Variants in GRM7 observed in about 807,000 individuals in gnomAD.
The protein encoded by GRM7 is metabotropic glutamate receptor 7.
A neutral mutation model predicts 84.5 loss-of-function variants in GRM7; 35 were observed. That is an observed-to-expected ratio of 0.41 (90% CI 0.32 to 0.55). GRM7 has a LOEUF of 0.55. GRM7 is among the 20% of genes least tolerant of loss of function. The pLI is 0.19. For synonymous variants in GRM7, 487 were observed against 455.1 expected (o/e 1.07, Z -0.89); for missense variants, 1,003 against 1,194.6 (o/e 0.84, Z 2.36).
At chr3:7,170,916 G>A (rs1694962719) in intron 2 of GRM7, among the ~76,000 whole-genome samples, 1 of 152,078 alleles carries the variant, frequency 6.6e-6, no homozygotes, top group South Asian at 2.1e-4. Context: ...AGATGTACAG[G>A]CCACCTTTCA....
At chr3:7,631,511 G>T (rs1559451247) in intron 8 of GRM7, among the ~76,000 whole-genome samples, 1 of 152,018 alleles carries the variant, frequency 6.6e-6, no homozygotes, top group Admixed American at 6.6e-5. Flanking sequence ...TCTTTTCTAG[G>T]TTCTGGAACC....
intron 7 of GRM7, among the ~76,000 whole-genome samples, chr3:7,553,312 A>G (rs971535945): frequency 1.3e-5 from 2 of 152,182 alleles, no homozygotes; most frequent in South Asian, 2.1e-4. Context: ...AAGCTATTCA[A>G]CAAGTCTCTA....
At chr3:7,443,058 C>A (rs1697358123) in intron 5 of GRM7, among the ~76,000 whole-genome samples, 1 of 151,092 alleles carries the variant, frequency 6.6e-6, no homozygotes, top group South Asian at 2.1e-4. Flanking sequence ...TCTTTTTATT[C>A]TACTTCCTTC....
intron 1 of GRM7, among the ~76,000 whole-genome samples, chr3:7,126,252 G>A (rs1205339385): frequency 6.6e-6 from 1 of 152,080 alleles, no homozygotes; most frequent in Non-Finnish European, 1.5e-5. Context: ...CTGCTGCTCT[G>A]GTACTTTGTT....
intron 4 of GRM7, among the ~76,000 whole-genome samples, chr3:7,327,381 A>G (rs1014394376): frequency 3.9e-5 from 6 of 152,192 alleles, no homozygotes; most frequent in African/African-American, 1.4e-4. Flanking sequence ...AAAGGAGAGG[A>G]GAGGAAAGAA....
intron 1 of GRM7, among the ~76,000 whole-genome samples, chr3:6,868,093 C>T (rs1191115747): frequency 2.6e-5 from 4 of 152,174 alleles, no homozygotes; most frequent in Admixed American, 6.5e-5. Context: ...CACTGTGCCA[C>T]GTGCTAAAAG....
At chr3:7,739,764 T>TAGAGTGTGTATGTGTC (rs1200713042) in intron 9 of GRM7, among the ~76,000 whole-genome samples, 8 of 152,198 alleles carry the variant, frequency 5.3e-5, no homozygotes, top group Non-Finnish European at 2.9e-5. Flanking sequence ...AAAACAAATG[T>TAGAGTGTGTATGTGTC]AGAGTGTGTA....
intron 8 of GRM7, among the ~76,000 whole-genome samples, chr3:7,590,099 C>G (rs1006950038): frequency 2.6e-5 from 4 of 152,148 alleles, no homozygotes; most frequent in African/African-American, 9.7e-5. Context: ...AAAATAATTT[C>G]CTTTTTGTTC....
chr3:7,102,033 C>T (rs1699129504), intron 1 of GRM7, among the ~76,000 whole-genome samples: 1 of 151,394 alleles, frequency 6.6e-6, no homozygotes, highest in South Asian at 2.1e-4. Flanking sequence ...GTATATTATA[C>T]ATCCCATAAT....
chr3:7,608,105 AC>A, intron 8 of GRM7: 1 of 248,612 alleles, frequency 4.0e-6, no homozygotes, highest in Non-Finnish European at 8.7e-6. Context: ...GTGTGTATGT[AC>A]CACATTTTCT....
rs144027689 is a variant in GRM7, at chr3:7,501,531, C to T, written c.1515+39809C>T. Among the ~76,000 whole-genome samples the T allele has an allele frequency of 3.3e-3, 495 of 152,280 alleles. 2 individuals are homozygous for T. The highest frequency in any genetic ancestry group is 0.011 in the African/African-American group (460 of 41,550). On this transcript the variant is annotated intron_variant, in intron 7 of 9. Coordinates refer to ENST00000357716, the MANE Select transcript of GRM7 (RefSeq NM_000844.4). ...TAGTTTTATCAGCTTATATTATAGA[C>T]GGACAGCTGAGGTTTGGAGAGGTTA... is the stretch of plus-strand genomic sequence containing the variant.
intron 2 of GRM7, among the ~76,000 whole-genome samples, chr3:7,233,817 G>A (rs1053216914): frequency 7.2e-5 from 11 of 152,060 alleles, no homozygotes; most frequent in African/African-American, 2.7e-4. Flanking sequence ...GGAATGTCTA[G>A]GCTGGAAAAG....
At chr3:7,344,508 A>AT (rs918100362) in intron 4 of GRM7, among the ~76,000 whole-genome samples, 2 of 152,028 alleles carry the variant, frequency 1.3e-5, no homozygotes, top group Admixed American at 1.3e-4. Flanking sequence ...GGGCATGTAA[A>AT]TTTTTTTTAA....
At chr3:7,055,216 T>TCTCTCTC (rs140330141) in intron 1 of GRM7, among the ~76,000 whole-genome samples, 5,362 of 151,936 alleles carry the variant, frequency 0.035, 256 homozygotes, top group African/African-American at 0.11. Context: ...TCTTCTTCTC[T>TCTCTCTC]TTTTATTATT....
chr3:7,090,473 C>A (rs555369090), intron 1 of GRM7, among the ~76,000 whole-genome samples: 1 of 152,190 alleles, frequency 6.6e-6, no homozygotes, highest in Admixed American at 6.5e-5. Context: ...AAGAATATTC[C>A]CACACAGTGA....
chr3:6,900,183 G>A (rs1696333785), intron 1 of GRM7, among the ~76,000 whole-genome samples: 1 of 152,166 alleles, frequency 6.6e-6, no homozygotes, highest in South Asian at 2.1e-4. Context: ...CAAATTACAA[G>A]CAGTTTGGGG....
intron 4 of GRM7, among the ~76,000 whole-genome samples, chr3:7,380,663 C>G (rs1694553561): frequency 6.6e-6 from 1 of 152,166 alleles, no homozygotes; most frequent in Admixed American, 6.5e-5. Flanking sequence ...CCTAGCCTAC[C>G]AGGTGGTAAA....
intron 8 of GRM7, among the ~76,000 whole-genome samples, chr3:7,600,843 C>A (rs1202104118): frequency 6.6e-6 from 1 of 152,210 alleles, no homozygotes; most frequent in Admixed American, 6.5e-5. Flanking sequence ...TATTTTATTG[C>A]TATTTTGTAT....
intron 1 of GRM7, among the ~76,000 whole-genome samples, chr3:6,998,178 C>T (rs1321041536): frequency 7.4e-6 from 1 of 134,288 alleles, no homozygotes; most frequent in Non-Finnish European, 1.6e-5. Flanking sequence ...AGGGTACAGG[C>T]ATTGGTTAAA....
Sources: gnomAD v4.1 joint callset for allele counts (sites outside exome capture counted in the v4.1 genomes callset) on GRCh38, gnomAD v4.1.1 for gene constraint, MANE v1.5 for transcripts, NCBI Gene and HGNC (gene_info 2026-07-23, HGNC 2026-07-21) for gene names.